SENP7: variants seen among roughly 807,000 people sequenced by gnomAD.
SENP7 encodes sentrin-specific protease 7.
SENP7 carries 64 observed loss-of-function variants against 141.2 expected under a neutral mutation model. That is an observed-to-expected ratio of 0.45 (90% CI 0.37 to 0.56). The LOEUF is 0.56. SENP7 is among the 20% of genes least tolerant of loss of function. The pLI is 0.00. For synonymous variants in SENP7, 382 were observed against 426.4 expected, an observed-to-expected ratio of 0.90 and a Z score of 1.28; for missense variants, 1,025 against 1,212.2, an observed-to-expected ratio of 0.85 and a Z score of 2.29.
At chr3:101,384,997 G>A (rs76503153) in intron 6 of SENP7, among the ~76,000 whole-genome samples, 7,520 of 152,138 alleles carry the variant, frequency 0.049, 263 homozygotes, top group Non-Finnish European at 0.073. Context: ...AATAAAAGAC[G>A]AATGAAATGA....
At chr3:101,377,502 CT>C (rs1414169880) in intron 6 of SENP7, among the ~76,000 whole-genome samples, 6 of 152,274 alleles carry the variant, frequency 3.9e-5, no homozygotes, top group African/African-American at 1.4e-4. Flanking sequence ...GGGTCGCACA[CT>C]TTTGTGAGTT....
chr3:101,399,072 C>A lies in SENP7; in HGVS notation c.483-17G>T. 4 of 1,581,466 alleles carry A rather than the reference C, an allele frequency of 2.5e-6. No individual in the cohort carries two copies. The highest frequency in any genetic ancestry group is 1.7e-5 in the Admixed American group (1 of 58,048). On this transcript the variant is annotated splice_polypyrimidine_tract_variant and intron_variant, in intron 5 of 23. Transcript: ENST00000394095. ...CTGGGTATCCTGTCACATAGAATAA[C>A]AAACACTGTACTGTACTGAAGTTTT...
At chr3:101,374,279 T>C (rs1012442954) in intron 6 of SENP7, among the ~76,000 whole-genome samples, 1 of 152,150 alleles carries the variant, frequency 6.6e-6, no homozygotes, top group Non-Finnish European at 1.5e-5. Flanking sequence ...TGGACAGTTA[T>C]CTAACACCAT....
intron 13 of SENP7, among the ~76,000 whole-genome samples, chr3:101,347,037 G>C (rs535421243): frequency 1.4e-4 from 21 of 151,736 alleles, no homozygotes; most frequent in Middle Eastern, 6.8e-3. Context: ...ATGGAAGAAG[G>C]AAGAAAAAAG....
intron 3 of SENP7, among the ~76,000 whole-genome samples, chr3:101,478,639 T>C (rs2064321873): frequency 6.6e-6 from 1 of 152,184 alleles, no homozygotes; most frequent in Non-Finnish European, 1.5e-5. Flanking sequence ...TACCAAATCT[T>C]CTGAAACTAT....
At chr3:101,368,336 CA>C (rs879870967) in intron 7 of SENP7, among the ~76,000 whole-genome samples, 42 of 140,588 alleles carry the variant, frequency 3.0e-4, no homozygotes, top group South Asian at 4.5e-4. Context: ...GCTGTACTAT[CA>C]AAAAAAAAAG....
At chr3:101,326,421 C>G (rs1407984748) in intron 23 of SENP7, among the ~76,000 whole-genome samples, 11 of 152,064 alleles carry the variant, frequency 7.2e-5, no homozygotes, top group South Asian at 2.1e-4. Context: ...TCCTTCCTCT[C>G]TCATATTAAA....
At chr3:101,453,128 A>G (rs1322326942) in intron 4 of SENP7, among the ~76,000 whole-genome samples, 3 of 152,184 alleles carry the variant, frequency 2.0e-5, no homozygotes, top group Non-Finnish European at 4.4e-5. Flanking sequence ...CTCATCATCA[A>G]TGGCCATCAG....
chr3:101,419,806 T>G (rs1233649932), intron 4 of SENP7, among the ~76,000 whole-genome samples: 2 of 152,234 alleles, frequency 1.3e-5, no homozygotes, highest in Middle Eastern at 6.3e-3. Context: ...ATTGAACATG[T>G]ACTATATACC....
chr3:101,431,065 T>C (rs960597925), intron 4 of SENP7, among the ~76,000 whole-genome samples: 1 of 152,212 alleles, frequency 6.6e-6, no homozygotes. Flanking sequence ...TGATTTCTGT[T>C]CTTTTACATT....
chr3:101,499,552 TG>T, intron 2 of SENP7, among the ~76,000 whole-genome samples: 2 of 139,092 alleles, frequency 1.4e-5, no homozygotes, highest in South Asian at 2.3e-4. Flanking sequence ...TTTTTTTTCT[TG>T]GAGACAGAGT....
At chr3:101,458,913 A>G in intron 4 of SENP7, 42 bp downstream of exon 4, 1 of 1,162,156 alleles carries the variant, frequency 8.6e-7, no homozygotes, top group Non-Finnish European at 1.3e-6. Context: ...GGTCAACTTT[A>G]TAGGTTAAGC....
intron 3 of SENP7, among the ~76,000 whole-genome samples, chr3:101,475,529 C>G (rs921425339): frequency 6.6e-6 from 1 of 152,072 alleles, no homozygotes; most frequent in Admixed American, 6.6e-5. Context: ...GGGAATAATA[C>G]ACACTGGAGC....
intron 5 of SENP7, among the ~76,000 whole-genome samples, chr3:101,401,367 A>G (rs1377952001): frequency 6.6e-6 from 1 of 151,774 alleles, no homozygotes; most frequent in Admixed American, 6.6e-5. Flanking sequence ...CGTCTCTACT[A>G]AAAATACAGA....
At chr3:101,381,153 C>T (rs963640734) in intron 6 of SENP7, among the ~76,000 whole-genome samples, 4 of 152,220 alleles carry the variant, frequency 2.6e-5, no homozygotes, top group African/African-American at 9.6e-5. Context: ...CAGAAGGCTT[C>T]GGTGATGCTG....
intron 4 of SENP7, among the ~76,000 whole-genome samples, chr3:101,436,424 G>A (rs1027676836): frequency 1.3e-5 from 2 of 152,054 alleles, no homozygotes; most frequent in Non-Finnish European, 2.9e-5. Flanking sequence ...GGACAAATAA[G>A]ATCACATCAA....
At position 101,327,980 on chromosome 3, in the gene SENP7, T is replaced by C. The variant is rs147181609; in HGVS notation, c.2865-164A>G. 9.7e-4 allele frequency among the ~76,000 whole-genome samples: 148 copies of C among 152,320 alleles called. 1 individual carries two copies. In the Middle Eastern group the frequency reaches 0.017, roughly 18 times the overall value. Reference sequence around the variant, plus strand: ...ACCTACATTTTATAAGGCTCACAAGTACTACTTTAAAGAAAATATGTAATG... The same window carrying C: ...ACCTACATTTTATAAGGCTCACAAGCACTACTTTAAAGAAAATATGTAATG... On this transcript the variant is annotated intron_variant, in intron 22 of 23. Transcript: ENST00000394095.
At chr3:101,334,628 C>T (rs1245645699) in intron 17 of SENP7, among the ~76,000 whole-genome samples, 3 of 152,118 alleles carry the variant, frequency 2.0e-5, no homozygotes, top group East Asian at 3.9e-4. Flanking sequence ...ATCAAAGTCA[C>T]GTTTATTGAA....
intron 11 of SENP7, chr3:101,357,896 C>A (rs551536114): frequency 1.7e-6 from 1 of 574,050 alleles, no homozygotes; most frequent in Non-Finnish European, 3.1e-6. Flanking sequence ...CCTTACTACA[C>A]ATAAGATAAT....
Sources: gnomAD v4.1 joint callset for allele counts (sites outside exome capture counted in the v4.1 genomes callset) on GRCh38, gnomAD v4.1.1 for gene constraint, MANE v1.5 for transcripts, NCBI Gene and HGNC (gene_info 2026-07-23, HGNC 2026-07-21) for gene names.